Variants in SSBP2 observed in about 807,000 individuals in gnomAD.
The protein encoded by SSBP2 is single-stranded DNA-binding protein 2.
A neutral mutation model predicts 61.8 loss-of-function variants in SSBP2; 17 were observed. The observed-to-expected ratio is 0.28, with a 90% CI of 0.19 to 0.41. SSBP2 has a LOEUF of 0.41. Among genes scored for constraint, SSBP2 ranks in the 10% least tolerant of loss-of-function variants. The pLI, the probability that SSBP2 is intolerant of heterozygous loss-of-function variation, is 1.00. For synonymous variants in SSBP2, 139 were observed against 141.3 expected (o/e 0.98, Z 0.12); for missense variants, 310 against 458.7 (o/e 0.68, Z 2.96).
chr5:81,686,868 A>AGAAAAGAAAAG (rs1298157217), intron 1 of SSBP2, among the ~76,000 whole-genome samples: 1 of 59,466 alleles, frequency 1.7e-5, no homozygotes, highest in South Asian at 5.2e-4. Context: ...AAAAAAAAAA[A>AGAAAAGAAAAG]AAAAGAAAAG....
chr5:81,543,863 C>CTA (rs1247807339), intron 4 of SSBP2, among the ~76,000 whole-genome samples: 1 of 152,068 alleles, frequency 6.6e-6, no homozygotes, highest in Non-Finnish European at 1.5e-5. Context: ...AACTACTCTG[C>CTA]TAAGTATATC....
At chr5:81,709,057 T>A (rs570208488) in intron 1 of SSBP2, among the ~76,000 whole-genome samples, 4 of 152,006 alleles carry the variant, frequency 2.6e-5, no homozygotes, top group Admixed American at 2.0e-4. Context: ...AAAGTAAGCA[T>A]GAAATAGTGA....
chr5:81,483,389 A>T (rs1397157495), intron 6 of SSBP2, among the ~76,000 whole-genome samples: 5 of 152,176 alleles, frequency 3.3e-5, no homozygotes, highest in African/African-American at 1.2e-4. Context: ...CATGGAGACT[A>T]AATGCTCATT....
intron 10 of SSBP2, among the ~76,000 whole-genome samples, chr5:81,451,017 G>A (rs569789626): frequency 6.6e-6 from 1 of 152,258 alleles, no homozygotes; most frequent in South Asian, 2.1e-4. Flanking sequence ...AAGCTTACTG[G>A]TAATGTGTCA....
intron 1 of SSBP2, among the ~76,000 whole-genome samples, chr5:81,663,498 G>A (rs891365235): frequency 6.6e-6 from 1 of 152,044 alleles, no homozygotes; most frequent in Non-Finnish European, 1.5e-5. Context: ...TTATAAAACC[G>A]TATGATTTAA....
chr5:81,561,490 G>C (rs943244905), intron 4 of SSBP2, among the ~76,000 whole-genome samples: 1 of 151,714 alleles, frequency 6.6e-6, no homozygotes, highest in African/African-American at 2.4e-5. Context: ...TATGTACCAC[G>C]AACATATATT....
At chr5:81,453,928 T>A (rs1355982325) in intron 10 of SSBP2, among the ~76,000 whole-genome samples, 1 of 152,200 alleles carries the variant, frequency 6.6e-6, no homozygotes, top group African/African-American at 2.4e-5. Flanking sequence ...ATGTTAGGTA[T>A]GATGAGGATA....
intron 2 of SSBP2, among the ~76,000 whole-genome samples, chr5:81,644,703 C>A (rs558418375): frequency 6.6e-6 from 1 of 152,068 alleles, no homozygotes; most frequent in Admixed American, 6.5e-5. Flanking sequence ...AAACTTCAGG[C>A]ATAAAAAAGG....
chr5:81,737,745 T>C (rs2154009094), intron 1 of SSBP2, among the ~76,000 whole-genome samples: 3 of 134,760 alleles, frequency 2.2e-5, no homozygotes, highest in South Asian at 4.7e-4. Context: ...CCGAGATTGC[T>C]CCACTGCACT....
At chr5:81,684,718 A>C (rs1397108635) in intron 1 of SSBP2, among the ~76,000 whole-genome samples, 1 of 152,184 alleles carries the variant, frequency 6.6e-6, no homozygotes, top group Admixed American at 6.5e-5. Context: ...TCTTGGAGTA[A>C]CTAACTTGTT....
chr5:81,504,707 TA>T (rs1282062994), intron 5 of SSBP2, among the ~76,000 whole-genome samples: 1 of 152,196 alleles, frequency 6.6e-6, no homozygotes, highest in Non-Finnish European at 1.5e-5. Flanking sequence ...ACATATCACA[TA>T]TTTTAAAATA....
chr5:81,622,128 A>G (rs1746643050), intron 3 of SSBP2, among the ~76,000 whole-genome samples: 1 of 151,724 alleles, frequency 6.6e-6, no homozygotes, highest in African/African-American at 2.4e-5. Flanking sequence ...ATTAAAAAAA[A>G]AAAAAAAGAA....
At chr5:81,582,349 C>G (rs539317655) in intron 4 of SSBP2, among the ~76,000 whole-genome samples, 1 of 152,208 alleles carries the variant, frequency 6.6e-6, no homozygotes, top group East Asian at 1.9e-4. Flanking sequence ...TAAGAAATTA[C>G]TAGTTCAATA....
intron 1 of SSBP2, among the ~76,000 whole-genome samples, chr5:81,670,188 T>G (rs1751486689): frequency 6.6e-6 from 1 of 152,192 alleles, no homozygotes; most frequent in Admixed American, 6.6e-5. Context: ...GGCTTCAATG[T>G]AGGTTCATCA....
At chr5:81,634,423 C>T (rs1301197785) in intron 3 of SSBP2, among the ~76,000 whole-genome samples, 1 of 152,056 alleles carries the variant, frequency 6.6e-6, no homozygotes, top group Non-Finnish European at 1.5e-5. Flanking sequence ...CTCGTGTCTC[C>T]CTAAGATGTA....
At chr5:81,730,369 C>A (rs1189982516) in intron 1 of SSBP2, among the ~76,000 whole-genome samples, 1 of 152,090 alleles carries the variant, frequency 6.6e-6, no homozygotes, top group Non-Finnish European at 1.5e-5. Context: ...GGATTACAGG[C>A]GCCCGCTACC....
intron 1 of SSBP2, among the ~76,000 whole-genome samples, chr5:81,676,413 C>G (rs1276825527): frequency 6.6e-6 from 1 of 152,064 alleles, no homozygotes; most frequent in Non-Finnish European, 1.5e-5. Flanking sequence ...GGAGAGGGGC[C>G]AGATATGTAA....
intron 8 of SSBP2, among the ~76,000 whole-genome samples, chr5:81,470,638 T>G (rs1331036205): frequency 6.6e-6 from 1 of 151,928 alleles, no homozygotes; most frequent in Non-Finnish European, 1.5e-5. Context: ...ACACTGATCT[T>G]AAGCTCAAAA....
intron 4 of SSBP2, among the ~76,000 whole-genome samples, chr5:81,527,901 TAA>T (rs57104850): frequency 3.9e-4 from 49 of 126,782 alleles, no homozygotes; most frequent in Middle Eastern, 4.3e-3. Flanking sequence ...CTTAAAGTAG[TAA>T]AAAAAAAAAA....
Sources: allele counts gnomAD v4.1 joint callset (sites outside exome capture counted in the v4.1 genomes callset), GRCh38; gene constraint gnomAD v4.1.1; transcripts MANE v1.5; gene names NCBI Gene and HGNC (gene_info 2026-07-23, HGNC 2026-07-21).